DYNLT5: variants seen among roughly 807,000 people sequenced by gnomAD.
DYNLT5 encodes the protein dynein light chain Tctex-type 5.
A neutral mutation model predicts 19.3 loss-of-function variants in DYNLT5; 25 were observed. That is an observed-to-expected ratio of 1.30 (90% CI 0.95 to 1.81). The LOEUF (loss-of-function observed/expected upper bound fraction) is 1.81, where lower values mean the gene tolerates loss of function less well. Among genes scored for constraint, DYNLT5 ranks in the 40% most tolerant of loss-of-function variants. DYNLT5 has a pLI of 0.00. For synonymous variants in DYNLT5, 82 were observed against 68.9 expected (o/e 1.19, Z -0.94); for missense variants, 232 against 217.9 (o/e 1.06, Z -0.41).
chr1:66,762,918 A>G (rs2094648471), intron 2 of DYNLT5, among the ~76,000 whole-genome samples: 1 of 152,226 alleles, frequency 6.6e-6, no homozygotes, highest in Non-Finnish European at 1.5e-5. Context: ...TGGATATCCC[A>G]GTTGTCCTGA....
intron 2 of DYNLT5, among the ~76,000 whole-genome samples, chr1:66,764,767 A>G (rs1483716339): frequency 6.6e-6 from 1 of 152,374 alleles, no homozygotes; most frequent in East Asian, 1.9e-4. Context: ...AAAGCAGAAT[A>G]AAGTGAGTCA....
intron 4 of DYNLT5, among the ~76,000 whole-genome samples, 157 bp downstream of exon 4, chr1:66,776,560 G>GTGTGTGTGTGTGTGTGT (rs1557875500): frequency 1.0e-4 from 13 of 126,692 alleles, no homozygotes; most frequent in African/African-American, 3.6e-4. Context: ...TGTGTGTGTG[G>GTGTGTGTGTGTGTGTGT]GTGTGTGTGT....
chr1:66,776,060 A>C (rs921810991), intron 3 of DYNLT5: 1 of 438,810 alleles, frequency 2.3e-6, no homozygotes. Context: ...TATTGAACAC[A>C]CTTTTGAGAT....
intron 2 of DYNLT5, among the ~76,000 whole-genome samples, chr1:66,766,251 A>G (rs2094655055): frequency 6.6e-6 from 1 of 152,332 alleles, no homozygotes; most frequent in East Asian, 1.9e-4. Context: ...TCACTTTACA[A>G]TGAGATCACG....
intron 2 of DYNLT5, chr1:66,768,543 C>T (rs1267738176): frequency 2.0e-5 from 3 of 152,146 alleles, no homozygotes; most frequent in African/African-American, 7.2e-5. Flanking sequence ...TGACATTTAC[C>T]AGTTTCATAA....
In DYNLT5 at chr1:66,765,640, C is replaced by CTTTTTT. The variant is rs11399958; in HGVS notation, c.120-4737_120-4732dup. 1.5e-3 allele frequency among the ~76,000 whole-genome samples: 206 copies of CTTTTTT among 138,742 alleles called. 1 individual carries two copies. The highest frequency in any genetic ancestry group is 2.6e-3 in the Non-Finnish European group (168 of 63,858). The allele number at this position is 138,742 out of a possible 152,430, so 91.0% of individuals were successfully genotyped here. A position where few individuals can be genotyped will look rare whatever the true frequency, so the allele number is the denominator to read the frequency against. Reference sequence around the variant, plus strand: ...TGTTCTAACTTTTTCTTTTCTTTTTCTTTTTTTTTTTTTTTGATGGAGTCT... The same window carrying CTTTTTT: ...TGTTCTAACTTTTTCTTTTCTTTTTCTTTTTTTTTTTTTTTTTTTTTGATGGAGTCT... On this transcript the variant is annotated intron_variant, in intron 2 of 4. Transcript: ENST00000282670.
chr1:66,766,237 G>A (rs1474639611), intron 2 of DYNLT5, among the ~76,000 whole-genome samples: 1 of 152,078 alleles, frequency 6.6e-6, no homozygotes, highest in African/African-American at 2.4e-5. Context: ...TAAAACCGTA[G>A]CATTCACTTT....
intron 2 of DYNLT5, among the ~76,000 whole-genome samples, chr1:66,762,557 C>T (rs931370115): frequency 2.6e-5 from 4 of 152,208 alleles, no homozygotes; most frequent in Non-Finnish European, 5.9e-5. Flanking sequence ...AATGTTGACA[C>T]TTTGACCTCC....
At chr1:66,752,923 G>A (rs2094629290) in intron 1 of DYNLT5, among the ~76,000 whole-genome samples, 1 of 152,196 alleles carries the variant, frequency 6.6e-6, no homozygotes, top group African/African-American at 2.4e-5. Flanking sequence ...CCTTTCTTGG[G>A]GAGGGGGCGG....
chr1:66,764,285 G>A (rs1012614797), intron 2 of DYNLT5, among the ~76,000 whole-genome samples: 3 of 152,178 alleles, frequency 2.0e-5, no homozygotes, highest in African/African-American at 7.2e-5. Flanking sequence ...GCCTATCTCG[G>A]CTTTTGACAT....
Position 66,771,024 on chromosome 1 carries a change from A to G in DYNLT5, c.211+546A>G, listed in dbSNP as rs530117279. 2.5e-5 allele frequency: 4 copies of G among 159,300 alleles called. No homozygotes were observed. In the East Asian group the frequency reaches 7.2e-4, roughly 29 times the overall value. 9.9% of individuals were successfully genotyped at this position (159,300 alleles called of 1,614,324 possible). ...CCCATCCATGTTTCCTCATAGACCC[A>G]CTTGTTTTCTCTAAAAGCGTACCTG... is the stretch of plus-strand genomic sequence containing the variant. On this transcript the variant is annotated intron_variant, in intron 3 of 4. Transcript: ENST00000282670.
Position 66,752,475 on chromosome 1 carries a change from G to T in DYNLT5, c.-113G>T. On this transcript the variant is annotated 5_prime_UTR_variant, in exon 1 of 5. Coordinates refer to ENST00000282670, the MANE Select transcript of DYNLT5 (RefSeq NM_152665.3). ...ACCGGCCTCAGAGTCCAGGGAGAGT[G>T]CGCGGGCGGCCGCCGGCTGAATGAA... The T allele has an allele frequency of 2.0e-6, 2 of 985,532 alleles. No homozygotes were observed. Among genetic ancestry groups the T allele is most frequent in the Non-Finnish European group, 2.4e-6 (2 of 830,012 alleles). The allele number at this position is 985,532 out of a possible 1,614,324, so 61.0% of individuals were successfully genotyped here.
intron 2 of DYNLT5, among the ~76,000 whole-genome samples, chr1:66,768,083 ATAG>A (rs1645177457): frequency 6.6e-6 from 1 of 152,242 alleles, no homozygotes; most frequent in African/African-American, 2.4e-5. Flanking sequence ...TTTCTTTATA[ATAG>A]TAGAATATTG....
In DYNLT5 at chr1:66,774,384, A is replaced by T. The variant is rs555685101; in HGVS notation, c.212-1895A>T. Reference sequence around the variant, plus strand: ...CCTAGGCTTGGGTTCGCAGGAGATGATGGGGAGATCTTTAAGAACCACTTT... The same window carrying T: ...CCTAGGCTTGGGTTCGCAGGAGATGTTGGGGAGATCTTTAAGAACCACTTT... On this transcript the variant is annotated intron_variant, in intron 3 of 4. Transcript: ENST00000282670. Among the ~76,000 whole-genome samples, 397 of 139,952 alleles carry T rather than the reference A, an allele frequency of 2.8e-3. 1 individual carries two copies. Among genetic ancestry groups the T allele is most frequent in the Middle Eastern group, 0.018 (5 of 284 alleles). 91.8% of individuals were successfully genotyped at this position (139,952 alleles called of 152,430 possible).
intron 2 of DYNLT5, among the ~76,000 whole-genome samples, chr1:66,757,471 G>A (rs1397224535): frequency 1.3e-5 from 2 of 151,928 alleles, no homozygotes; most frequent in African/African-American, 4.8e-5. Flanking sequence ...TCTTAAGCTG[G>A]ATCTTATTAT....
rs563845201 is a variant in DYNLT5, at chr1:66,764,626, A to T, written c.120-5761A>T. On this transcript the variant is annotated intron_variant, in intron 2 of 4. Transcript: ENST00000282670. Reference sequence around the variant, plus strand: ...AACAGATGTAATATGAAAATCTAAAATATTGTGAGCATTAACAAAATGTGA... The same window carrying T: ...AACAGATGTAATATGAAAATCTAAATTATTGTGAGCATTAACAAAATGTGA... Among the ~76,000 whole-genome samples the T allele has an allele frequency of 1.4e-4, 21 of 152,346 alleles. 1 individual carries two copies. The East Asian group carries it at 3.7e-3, about 27-fold the overall frequency.
In DYNLT5 at chr1:66,778,980, C is replaced by T. The variant is rs1344029903; in HGVS notation, c.*1526C>T. ...GTGAACATCTCCCTTCGTGGAACAACAGCGGGGGTAATCATATCACTAATT... is the reference window on the plus strand; with the variant it reads ...GTGAACATCTCCCTTCGTGGAACAATAGCGGGGGTAATCATATCACTAATT... On this transcript the variant is annotated 3_prime_UTR_variant, in exon 5 of 5. Coordinates refer to ENST00000282670, the MANE Select transcript of DYNLT5 (RefSeq NM_152665.3). Among the ~76,000 whole-genome samples, 1 of 152,168 alleles carries T rather than the reference C, an allele frequency of 6.6e-6. No individual in the cohort carries two copies. The highest frequency in any genetic ancestry group is 6.5e-5 in the Admixed American group (1 of 15,276).
chr1:66,773,389 T>G (rs565873617), intron 3 of DYNLT5, among the ~76,000 whole-genome samples: 2 of 152,304 alleles, frequency 1.3e-5, no homozygotes, highest in South Asian at 4.2e-4. Flanking sequence ...CAGGTTTTCT[T>G]AGAGCCTGTC....
intron 2 of DYNLT5, among the ~76,000 whole-genome samples, chr1:66,761,692 T>C (rs566357411): frequency 6.6e-6 from 1 of 152,214 alleles, no homozygotes; most frequent in South Asian, 2.1e-4. Flanking sequence ...GGCAGGAGGA[T>C]CCCTAAGCCT....
Sources: allele counts gnomAD v4.1 joint callset (sites outside exome capture counted in the v4.1 genomes callset), GRCh38; gene constraint gnomAD v4.1.1; transcripts MANE v1.5; gene names NCBI Gene and HGNC (gene_info 2026-07-23, HGNC 2026-07-21).